Variants in WDHD1 observed in about 807,000 individuals in gnomAD.
WDHD1 encodes WD repeat and HMG-box DNA binding protein 1, also known as WD repeat and HMG-box DNA-binding protein 1.
In WDHD1, 111 loss-of-function variants were observed where a neutral mutation model predicts 135.4. The ratio of observed to expected loss-of-function variants is 0.82; its 90% confidence interval spans 0.70 to 0.96. The LOEUF is 0.96. Among genes scored for constraint, WDHD1 ranks in the 40% least tolerant of loss-of-function variants. The pLI, the probability that WDHD1 is intolerant of heterozygous loss-of-function variation, is 0.00. For synonymous variants in WDHD1, 434 were observed against 439.0 expected, an observed-to-expected ratio of 0.99 and a Z score of 0.14; for missense variants, 1,351 against 1,336.3, an observed-to-expected ratio of 1.01 and a Z score of -0.17.
intron 24 of WDHD1, 144 bp from the exon 25 acceptor site, chr14:54,944,614 TA>T: frequency 3.0e-6 from 2 of 660,294 alleles, no homozygotes; most frequent in Middle Eastern, 4.9e-4. Flanking sequence ...TAATTCATGT[TA>T]CTTTTTTTTT....
chr14:54,956,049 C>T (rs1488142311), intron 23 of WDHD1, among the ~76,000 whole-genome samples: 1 of 151,980 alleles, frequency 6.6e-6, no homozygotes, highest in African/African-American at 2.4e-5. Context: ...AGGCACCTGC[C>T]ACCGCGGCTG....
intron 7 of WDHD1, among the ~76,000 whole-genome samples, chr14:55,004,049 T>C (rs1271121457): frequency 6.6e-6 from 1 of 152,252 alleles, no homozygotes; most frequent in African/African-American, 2.4e-5. Context: ...CAAAACTATT[T>C]ACTTTTTATA....
intron 16 of WDHD1, among the ~76,000 whole-genome samples, chr14:54,981,067 C>T (rs565711103): frequency 1.5e-3 from 230 of 152,230 alleles, no homozygotes; most frequent in Non-Finnish European, 2.7e-3. Flanking sequence ...GCTGAGATCA[C>T]GCCACTACAA....
At chr14:54,950,574 A>G (rs558363628) in intron 24 of WDHD1, among the ~76,000 whole-genome samples, 2 of 152,294 alleles carry the variant, frequency 1.3e-5, no homozygotes, top group South Asian at 4.1e-4. Flanking sequence ...CCCACTGTCA[A>G]CATTAGACAG....
At chr14:55,020,816 AT>A (rs1275188618) in intron 2 of WDHD1, among the ~76,000 whole-genome samples, 1 of 152,264 alleles carries the variant, frequency 6.6e-6, no homozygotes, top group Non-Finnish European at 1.5e-5. Flanking sequence ...AACATAAACA[AT>A]TAACACATAT....
At chr14:54,944,610 A>G (rs2040890581) in intron 24 of WDHD1, 140 bp from the exon 25 acceptor site, 2 of 624,102 alleles carry the variant, frequency 3.2e-6, no homozygotes, top group Admixed American at 9.3e-5. Flanking sequence ...TTGTTAATTC[A>G]TGTTACTTTT....
chr14:55,024,098 T>G (rs1255380343), intron 2 of WDHD1, among the ~76,000 whole-genome samples: 1 of 152,316 alleles, frequency 6.6e-6, no homozygotes. Flanking sequence ...CTGCCAAAAA[T>G]TTTCTAATAT....
chr14:54,955,278 A>C (rs938241399), intron 24 of WDHD1, among the ~76,000 whole-genome samples: 1 of 152,148 alleles, frequency 6.6e-6, no homozygotes, highest in African/African-American at 2.4e-5. Context: ...TCTCCCCATT[A>C]AACTATTTAA....
chr14:55,005,166 A>G, intron 7 of WDHD1: 1 of 540,444 alleles, frequency 1.9e-6, no homozygotes, highest in Non-Finnish European at 3.6e-6. Context: ...GGCATCCACC[A>G]CATCAATCCC....
At chr14:54,972,553 C>CAAAAAAAAAAAAAAAAAAAAA (rs71410642) in intron 16 of WDHD1, among the ~76,000 whole-genome samples, 16 of 25,498 alleles carry the variant, frequency 6.3e-4, no homozygotes, top group Non-Finnish European at 8.5e-4. Context: ...AAGACTGTCA[C>CAAAAAAAAAAAAAAAAAAAAA]AAAAAAAAAA....
At chr14:54,983,127 G>A (rs1367051930) in intron 15 of WDHD1, among the ~76,000 whole-genome samples, 1 of 152,118 alleles carries the variant, frequency 6.6e-6, no homozygotes, top group Admixed American at 6.5e-5. Flanking sequence ...TCACATCACT[G>A]CAGTCCAGCC....
Position 54,996,101 on chromosome 14 carries a change from C to T in WDHD1, c.943-288G>A, listed in dbSNP as rs184188460. On this transcript the variant is annotated intron_variant, in intron 10 of 25. Transcript: ENST00000360586. The stretch of plus-strand genomic sequence containing the variant: ...CAAAATATAAAATAAGATTTTATTC[C>T]TCAGAAGTCATTCCCTAGAAAAGAA... Among the ~76,000 whole-genome samples the T allele has an allele frequency of 4.1e-4, 63 of 152,164 alleles. No individual in the cohort carries two copies. In the Middle Eastern group the frequency reaches 0.02, roughly 49 times the overall value.
intron 14 of WDHD1, among the ~76,000 whole-genome samples, chr14:54,986,386 T>C (rs539467048): frequency 5.3e-5 from 8 of 152,276 alleles, no homozygotes; most frequent in South Asian, 2.1e-4. Flanking sequence ...CAGACTTGTA[T>C]TGAACTCCTG....
intron 14 of WDHD1, 146 bp downstream of exon 14, chr14:54,987,000 G>T: frequency 1.1e-6 from 1 of 935,002 alleles, no homozygotes; most frequent in Non-Finnish European, 1.6e-6. Context: ...TGCTGCTAGT[G>T]AACACAACAA....
rs191866209 is a variant in WDHD1, at chr14:54,967,132, A to G, written c.2178+148T>C. The G allele has an allele frequency of 5.8e-4, 340 of 591,260 alleles. 2 individuals carry two copies. Among genetic ancestry groups the G allele is most frequent in the African/African-American group, 5.5e-3 (285 of 51,994 alleles). The allele number at this position is 591,260 out of a possible 1,614,324, so 36.6% of individuals were successfully genotyped here. The stretch of plus-strand genomic sequence containing the variant: ...GCAATCAGGTGGCCTGGTGATCCCA[A>G]GCAGTCCTCTTCCCTCCCTGCTACC... On this transcript the variant is annotated intron_variant, in intron 17 of 25. Coordinates refer to ENST00000360586, the MANE Select transcript of WDHD1 (RefSeq NM_007086.4).
rs1427321756 is a variant in WDHD1, at chr14:54,948,198, G to A, written c.3051-3728C>T. Among the ~76,000 whole-genome samples, 4 of 152,258 alleles carry A rather than the reference G, an allele frequency of 2.6e-5. No homozygotes were observed. In the East Asian group the frequency reaches 5.8e-4, roughly 22 times the overall value. On this transcript the variant is annotated intron_variant, in intron 24 of 25. Transcript: ENST00000360586. ...TCATCTCACTAGGGCTTGTCGGACA[G>A]TGGGCGCAGAACAGGGGGTGTGGCA...
At position 54,949,806 on chromosome 14, in the gene WDHD1, T is replaced by C. The variant is rs557542209; in HGVS notation, c.3051-5336A>G. Among the ~76,000 whole-genome samples, 7 of 152,300 alleles carry C rather than the reference T, an allele frequency of 4.6e-5. No homozygotes were observed. The South Asian group carries it at 1.2e-3, about 27-fold the overall frequency. On this transcript the variant is annotated intron_variant, in intron 24 of 25. Coordinates refer to ENST00000360586, the MANE Select transcript of WDHD1 (RefSeq NM_007086.4). ...TAACAGCTGATCTCTCGGCAGAAAC[T>C]CTATGAGCCAGAAGAGAGTGGGGGC...
chr14:55,008,360 C>G lies in WDHD1; in HGVS notation c.460G>C (p.Ala154Pro). The change falls in exon 6 of 26, where the codon GCT (alanine) becomes CCT (proline). Residue 154 changes from alanine to proline, a missense_variant. Coordinates refer to ENST00000360586, the MANE Select transcript of WDHD1 (RefSeq NM_007086.4). ...ACTCTGACAGATCCATCACAACTAG[C>G]TGATGCCTGCAGGAATAAACAATAC... ...FDPKDIFLASASCDGSVRVWQ... is the reference protein window; with the variant it reads ...FDPKDIFLASPSCDGSVRVWQ... 1 of 1,613,634 alleles carries G rather than the reference C, an allele frequency of 6.2e-7. No individual in the cohort carries two copies. Among genetic ancestry groups the G allele is most frequent in the Non-Finnish European group, 8.5e-7 (1 of 1,179,758 alleles).
intron 24 of WDHD1, among the ~76,000 whole-genome samples, chr14:54,948,961 T>C (rs936064323): frequency 1.3e-5 from 2 of 151,990 alleles, no homozygotes; most frequent in Non-Finnish European, 1.5e-5. Flanking sequence ...GAAGGAAAAC[T>C]AACAAACAAA....
Sources: gnomAD v4.1 joint callset for allele counts (sites outside exome capture counted in the v4.1 genomes callset) on GRCh38, gnomAD v4.1.1 for gene constraint, MANE v1.5 for transcripts, NCBI Gene and HGNC (gene_info 2026-07-23, HGNC 2026-07-21) for gene names.